Variants in DOCK1 observed in about 807,000 individuals in gnomAD.
DOCK1 encodes the protein dedicator of cytokinesis protein 1.
In DOCK1, 138 loss-of-function variants were observed where a neutral mutation model predicts 262.7. The ratio of observed to expected loss-of-function variants is 0.53; its 90% CI spans 0.46 to 0.61. The LOEUF (loss-of-function observed/expected upper bound fraction) is 0.61. Ranked by LOEUF, DOCK1 falls within the 20% of genes least tolerant of loss-of-function variation. DOCK1 has a pLI of 0.00. For synonymous variants in DOCK1, 866 were observed against 867.4 expected, an observed-to-expected ratio of 1.00 and a Z score of 0.03; for missense variants, 1,908 against 2,370.7, an observed-to-expected ratio of 0.80 and a Z score of 4.05.
intron 27 of DOCK1, among the ~76,000 whole-genome samples, chr10:127,198,564 A>G (rs944964882): frequency 2.6e-5 from 4 of 152,172 alleles, no homozygotes; most frequent in Non-Finnish European, 5.9e-5. Flanking sequence ...TGAGATTCGC[A>G]TGATGTATAA....
At chr10:127,213,363 C>A (rs564142440) in intron 27 of DOCK1, among the ~76,000 whole-genome samples, 2 of 152,256 alleles carry the variant, frequency 1.3e-5, no homozygotes, top group South Asian at 4.1e-4. Flanking sequence ...GGTTCTATGC[C>A]TAGAATGTTC....
chr10:127,303,305 A>G (rs958956766), intron 29 of DOCK1, among the ~76,000 whole-genome samples: 1 of 152,292 alleles, frequency 6.6e-6, no homozygotes, highest in East Asian at 1.9e-4. Flanking sequence ...AATGACTTAG[A>G]CAGCAAAGGT....
At chr10:127,268,253 CAT>C (rs2060437799) in intron 29 of DOCK1, among the ~76,000 whole-genome samples, 1 of 152,010 alleles carries the variant, frequency 6.6e-6, no homozygotes, top group Non-Finnish European at 1.5e-5. Context: ...TGCAGTGGCT[CAT>C]GCCTGTAATC....
chr10:126,934,977 G>A (rs933250539), intron 1 of DOCK1, among the ~76,000 whole-genome samples: 11 of 152,100 alleles, frequency 7.2e-5, no homozygotes, highest in African/African-American at 2.7e-4. Context: ...AGGCATGGTG[G>A]CAGGCGCCTG....
rs78935567 is a variant in DOCK1 at position 127,139,560 on chromosome 10, A to G, written c.2847+11796A>G. ...TCTTGCTAATCCAGACTACGTGATG[A>G]TGGAGGCATAGTCTCTTCTAAGGAC... On this transcript the variant is annotated intron_variant, in intron 27 of 51. Transcript: ENST00000623213. Among the ~76,000 whole-genome samples, 300 of 152,314 alleles carry G rather than the reference A, an allele frequency of 2.0e-3. 1 individual carries two copies. Among genetic ancestry groups the G allele is most frequent in the African/African-American group, 6.9e-3 (285 of 41,566 alleles).
At chr10:127,139,456 C>G (rs1020220454) in intron 27 of DOCK1, among the ~76,000 whole-genome samples, 8 of 151,946 alleles carry the variant, frequency 5.3e-5, no homozygotes, top group Non-Finnish European at 1.0e-4. Flanking sequence ...AACAAGTTAT[C>G]CTTTTCCCTT....
chr10:127,361,320 TAGCC>T (rs1358445258), intron 32 of DOCK1, among the ~76,000 whole-genome samples: 18 of 152,082 alleles, frequency 1.2e-4, no homozygotes, highest in Non-Finnish European at 2.4e-4. Context: ...CTCACCGTGT[TAGCC>T]AGGATGGTCT....
At chr10:127,205,363 A>G (rs2057667713) in intron 27 of DOCK1, among the ~76,000 whole-genome samples, 1 of 152,190 alleles carries the variant, frequency 6.6e-6, no homozygotes. Context: ...TGCCTGGTTC[A>G]TCCTCTGGGT....
chr10:127,429,667 C>G (rs540623470), intron 47 of DOCK1, among the ~76,000 whole-genome samples: 2 of 152,334 alleles, frequency 1.3e-5, no homozygotes, highest in African/African-American at 4.8e-5. Context: ...GTTCCCAGTC[C>G]TGGGGCTCCA....
chr10:127,290,126 C>G (rs2135357708), intron 29 of DOCK1, among the ~76,000 whole-genome samples: 1 of 151,888 alleles, frequency 6.6e-6, no homozygotes, highest in East Asian at 1.9e-4. Context: ...GGATGTGTTT[C>G]TGTTGAGTTT....
chr10:127,328,732 C>G (rs566316035), intron 29 of DOCK1, among the ~76,000 whole-genome samples: 45 of 152,248 alleles, frequency 3.0e-4, no homozygotes, highest in African/African-American at 1.0e-3. Context: ...AATGCCCCAC[C>G]TACTTCCAGA....
At chr10:127,074,524 G>T (rs911185639) in intron 23 of DOCK1, among the ~76,000 whole-genome samples, 107 of 152,092 alleles carry the variant, frequency 7.0e-4, no homozygotes, top group African/African-American at 2.5e-3. Flanking sequence ...AATTCAAGTA[G>T]AATTATTTTT....
At chr10:126,946,967 G>T (rs1217774523) in intron 1 of DOCK1, among the ~76,000 whole-genome samples, 1 of 152,216 alleles carries the variant, frequency 6.6e-6, no homozygotes, top group African/African-American at 2.4e-5. Context: ...GCAGATCAAT[G>T]CAGTGAGAAT....
Position 127,186,467 on chromosome 10 carries a change from C to T in DOCK1, c.2847+58703C>T, listed in dbSNP as rs188122748. Among the ~76,000 whole-genome samples the T allele has an allele frequency of 1.6e-3, 217 of 138,224 alleles. 1 individual carries two copies. Among genetic ancestry groups the T allele is most frequent in the Non-Finnish European group, 2.6e-3 (171 of 65,244 alleles). 90.7% of individuals were successfully genotyped at this position (138,224 alleles called of 152,430 possible). ...CGATAGACAACCATCAGATCTCCTG[C>T]GATTTCACTCACAATCATGATAACA... On this transcript the variant is annotated intron_variant, in intron 27 of 51. Transcript: ENST00000623213.
intron 30 of DOCK1, among the ~76,000 whole-genome samples, chr10:127,339,837 T>A (rs2063357118): frequency 6.6e-6 from 1 of 152,148 alleles, no homozygotes; most frequent in Non-Finnish European, 1.5e-5. Flanking sequence ...CTGCTAATAA[T>A]GATTTTATCT....
intron 25 of DOCK1, among the ~76,000 whole-genome samples, chr10:127,112,994 C>T (rs2048957579): frequency 6.6e-6 from 1 of 152,168 alleles, no homozygotes; most frequent in African/African-American, 2.4e-5. Flanking sequence ...AGAGATTTAT[C>T]ACCAGAAATC....
At chr10:127,438,978 C>A in intron 48 of DOCK1, 49 bp from the exon 49 acceptor site, 2 of 1,488,798 alleles carry the variant, frequency 1.3e-6, no homozygotes, top group Admixed American at 2.3e-5. Context: ...TGTCTGTGGG[C>A]TGGAAAGCAA....
intron 27 of DOCK1, chr10:127,137,514 A>G: frequency 4.1e-6 from 1 of 243,388 alleles, no homozygotes; most frequent in South Asian, 1.3e-4. Context: ...ACAGCCTGCC[A>G]TCTCGCAGGT....
At position 127,451,853 on chromosome 10, in the gene DOCK1, T is replaced by C. The variant is rs1214127454; in HGVS notation, c.*426T>C. 3 of 192,204 alleles carry C rather than the reference T, an allele frequency of 1.6e-5. No homozygotes were observed. The highest frequency in any genetic ancestry group is 7.0e-5 in the African/African-American group (3 of 42,562). 11.9% of individuals were successfully genotyped at this position (192,204 alleles called of 1,614,324 possible). On this transcript the variant is annotated 3_prime_UTR_variant, in exon 52 of 52. Transcript: ENST00000623213. The stretch of plus-strand genomic sequence containing the variant: ...TGATGTATAAGAATCCTCCTCACTG[T>C]CATGGGATGTTGTATCCAGCCCCTC...
Sources: allele counts gnomAD v4.1 joint callset (sites outside exome capture counted in the v4.1 genomes callset), GRCh38; gene constraint gnomAD v4.1.1; transcripts MANE v1.5; gene names NCBI Gene and HGNC (gene_info 2026-07-23, HGNC 2026-07-21).